The following NOL4 variants were observed in gnomAD, a reference collection of about 807,000 sequenced individuals.
NOL4 encodes cancer/testis antigen 125.
NOL4 carries 17 observed loss-of-function variants against 75.9 expected under a neutral mutation model. That is an observed-to-expected ratio of 0.22 (90% CI 0.15 to 0.34). The LOEUF is 0.34. NOL4 is among the 10% of genes least tolerant of loss of function. NOL4 has a pLI of 1.00. For synonymous variants in NOL4, 292 were observed against 289.9 expected (o/e 1.01, Z -0.07); for missense variants, 614 against 793.5 (o/e 0.77, Z 2.72).
At chr18:33,966,292 T>C (rs1185996119) in intron 6 of NOL4, among the ~76,000 whole-genome samples, 1 of 152,058 alleles carries the variant, frequency 6.6e-6, no homozygotes, top group Non-Finnish European at 1.5e-5. Context: ...ATATATAAAA[T>C]ACCTCAAAAT....
chr18:33,851,923 C>T lies in NOL4; in HGVS notation c.*919G>A, dbSNP rs1301115828. On this transcript the variant is annotated 3_prime_UTR_variant, in exon 11 of 11. Transcript: ENST00000261592. ...TTGCAACCTCTTAACATTCAGTCAT[C>T]TACATCCAGGTGCTGCTAGAGGGAT... The T allele has an allele frequency of 2.0e-5, 3 of 152,494 alleles. No homozygotes were observed. The highest frequency in any genetic ancestry group is 2.0e-4 in the Admixed American group (3 of 15,250). The allele number at this position is 152,494 out of a possible 1,614,324, so 9.4% of individuals were successfully genotyped here.
chr18:34,179,041 A>G (rs2033803488), intron 1 of NOL4, among the ~76,000 whole-genome samples: 1 of 151,752 alleles, frequency 6.6e-6, no homozygotes, highest in African/African-American at 2.4e-5. Context: ...ACATAAATCA[A>G]TTTGGAAAAT....
chr18:33,943,385 A>G (rs1478714318), intron 8 of NOL4, among the ~76,000 whole-genome samples: 2 of 152,004 alleles, frequency 1.3e-5, no homozygotes, highest in Middle Eastern at 3.4e-3. Flanking sequence ...TCGTTGCTAC[A>G]CAGATCCATC....
chr18:34,142,835 T>C (rs1244773275), intron 1 of NOL4, among the ~76,000 whole-genome samples: 2 of 151,948 alleles, frequency 1.3e-5, no homozygotes, highest in Admixed American at 6.6e-5. Context: ...TCTAAATAAA[T>C]AAATAAATAA....
At chr18:34,066,667 T>C (rs183351160) in intron 5 of NOL4, among the ~76,000 whole-genome samples, 1 of 151,718 alleles carries the variant, frequency 6.6e-6, no homozygotes, top group East Asian at 1.9e-4. Flanking sequence ...AAAAGTTTCT[T>C]ATTTCCAAAG....
chr18:34,186,451 C>A (rs2034466729), intron 1 of NOL4, among the ~76,000 whole-genome samples: 1 of 152,142 alleles, frequency 6.6e-6, no homozygotes, highest in South Asian at 2.1e-4. Flanking sequence ...ACCTGTAAGC[C>A]TCCTTCCTTA....
At chr18:34,007,892 G>A (rs4598983) in intron 6 of NOL4, among the ~76,000 whole-genome samples, 35,635 of 151,756 alleles carry the variant, frequency 0.23, 4,566 homozygotes, top group East Asian at 0.47. Flanking sequence ...GTTAATAAGT[G>A]GGGGACTTGT....
intron 10 of NOL4, among the ~76,000 whole-genome samples, chr18:33,874,036 A>G (rs2063819866): frequency 6.6e-6 from 1 of 151,948 alleles, no homozygotes. Context: ...TAAATCAAAT[A>G]TTAGATTTCT....
intron 4 of NOL4, 86 bp from the exon 5 acceptor site, chr18:34,093,683 G>A: frequency 1.0e-6 from 1 of 999,022 alleles, no homozygotes; most frequent in South Asian, 2.3e-5. Flanking sequence ...GTCAATTGAA[G>A]TTTAACCAGT....
intron 1 of NOL4, among the ~76,000 whole-genome samples, chr18:34,183,947 T>G (rs992038794): frequency 1.3e-5 from 2 of 151,806 alleles, no homozygotes; most frequent in African/African-American, 4.8e-5. Flanking sequence ...TTTTACTGTA[T>G]GTAAATAAAT....
chr18:34,220,671 C>G (rs746227828), intron 1 of NOL4, among the ~76,000 whole-genome samples: 4 of 152,042 alleles, frequency 2.6e-5, no homozygotes, highest in Non-Finnish European at 5.9e-5. Context: ...GCCTATAATT[C>G]TATGTCGGGA....
At chr18:33,877,831 T>A (rs1330996733) in intron 10 of NOL4, among the ~76,000 whole-genome samples, 2 of 150,516 alleles carry the variant, frequency 1.3e-5, no homozygotes, top group Admixed American at 1.3e-4. Context: ...TGTGATTGTG[T>A]GTGTGTGTGT....
chr18:34,009,714 A>T (rs889336978), intron 6 of NOL4, among the ~76,000 whole-genome samples: 2 of 152,048 alleles, frequency 1.3e-5, no homozygotes, highest in African/African-American at 4.8e-5. Context: ...GGGTCTCAGC[A>T]TCAGGTCAAG....
chr18:34,162,554 T>G (rs1207625522), intron 1 of NOL4, among the ~76,000 whole-genome samples: 1 of 152,198 alleles, frequency 6.6e-6, no homozygotes, highest in Non-Finnish European at 1.5e-5. Flanking sequence ...GTTGAATCTC[T>G]GAATAGACCA....
intron 9 of NOL4, among the ~76,000 whole-genome samples, chr18:33,942,456 A>G (rs1282493534): frequency 2.0e-5 from 3 of 151,898 alleles, no homozygotes. Context: ...GCAAAGTACA[A>G]AAAAAAGAAA....
intron 1 of NOL4, among the ~76,000 whole-genome samples, chr18:34,167,404 C>G (rs1223682047): frequency 5.3e-5 from 8 of 152,082 alleles, no homozygotes; most frequent in Non-Finnish European, 1.2e-4. Context: ...GCTTGTATCT[C>G]TGGCTTGGAT....
At chr18:33,970,695 G>A (rs940461393) in intron 6 of NOL4, among the ~76,000 whole-genome samples, 7 of 151,370 alleles carry the variant, frequency 4.6e-5, no homozygotes, top group African/African-American at 9.7e-5. Flanking sequence ...TAGAACTTTC[G>A]TTACTGGAAA....
intron 6 of NOL4, among the ~76,000 whole-genome samples, chr18:33,992,601 A>T (rs1864295062): frequency 1.3e-5 from 2 of 152,146 alleles, no homozygotes; most frequent in Non-Finnish European, 2.9e-5. Context: ...TTCACTCTAC[A>T]CTGATGTAGC....
intron 1 of NOL4, among the ~76,000 whole-genome samples, chr18:34,166,218 T>C (rs1186544401): frequency 6.6e-6 from 1 of 152,148 alleles, no homozygotes; most frequent in Non-Finnish European, 1.5e-5. Flanking sequence ...TTTCAGAATA[T>C]AACATTATAG....
Sources: gnomAD v4.1 joint callset for allele counts (sites outside exome capture counted in the v4.1 genomes callset) on GRCh38, gnomAD v4.1.1 for gene constraint, MANE v1.5 for transcripts, NCBI Gene and HGNC (gene_info 2026-07-23, HGNC 2026-07-21) for gene names.